The following BOC variants were observed in gnomAD, a reference collection of about 807,000 sequenced individuals.
BOC encodes the protein BOC cell adhesion associated, oncogene regulated.
A neutral mutation model predicts 112.0 loss-of-function variants in BOC; 76 were observed. The observed-to-expected ratio is 0.68, with a 90% CI of 0.56 to 0.82. BOC has a LOEUF of 0.82. Ranked by LOEUF, BOC falls within the 40% of genes least tolerant of loss-of-function variation. The pLI is 0.00. For synonymous variants in BOC, 580 were observed against 599.8 expected (o/e 0.97, Z 0.48); for missense variants, 1,309 against 1,511.7 (o/e 0.87, Z 2.22).
intron 2 of BOC, among the ~76,000 whole-genome samples, chr3:113,240,878 T>C (rs533643516): frequency 6.6e-6 from 1 of 152,284 alleles, no homozygotes; most frequent in East Asian, 1.9e-4. Context: ...GATATACTTG[T>C]GACAAGGCCC....
In BOC at chr3:113,249,710, C is replaced by G. The variant is rs1327907934; in HGVS notation, c.-81-12C>G. 1.9e-6 allele frequency: 2 copies of G among 1,075,134 alleles called. No homozygotes were observed. Among genetic ancestry groups the G allele is most frequent in the Non-Finnish European group, 2.7e-6 (2 of 741,656 alleles). The allele number at this position is 1,075,134 out of a possible 1,614,324, so 66.6% of individuals were successfully genotyped here. ...ATCATGGCCATTGCTCTCCCTTTCT[C>G]TCTTACAACAGAGTGTTGCCAGGGA... is the stretch of plus-strand genomic sequence containing the variant. On this transcript the variant is annotated splice_polypyrimidine_tract_variant and intron_variant, in intron 2 of 19. Coordinates refer to ENST00000682979, the MANE Select transcript of BOC (RefSeq NM_001378074.1).
intron 5 of BOC, chr3:113,270,000 T>G (rs1222806498): frequency 6.6e-6 from 1 of 152,278 alleles, no homozygotes; most frequent in Non-Finnish European, 1.5e-5. Flanking sequence ...TGACTCTGCC[T>G]CCTAGCTACA....
intron 2 of BOC, among the ~76,000 whole-genome samples, chr3:113,247,705 T>C (rs972542896): frequency 6.6e-6 from 1 of 152,090 alleles, no homozygotes; most frequent in African/African-American, 2.4e-5. Context: ...GGAAATACAT[T>C]GTGTAAGAGC....
chr3:113,225,064 G>A (rs1394358292), intron 2 of BOC, among the ~76,000 whole-genome samples: 1 of 148,762 alleles, frequency 6.7e-6, no homozygotes, highest in African/African-American at 2.5e-5. Context: ...GCGACAGGGT[G>A]AGACTCCGTC....
chr3:113,237,856 A>G (rs1431336980), intron 2 of BOC, among the ~76,000 whole-genome samples: 1 of 152,174 alleles, frequency 6.6e-6, no homozygotes, highest in Non-Finnish European at 1.5e-5. Context: ...TTCTAATTTG[A>G]CCAAACCCTT....
intron 9 of BOC, among the ~76,000 whole-genome samples, chr3:113,275,266 T>C (rs1005170827): frequency 6.6e-6 from 1 of 152,226 alleles, no homozygotes; most frequent in Non-Finnish European, 1.5e-5. Context: ...TGTTCAGACC[T>C]CAGCTGTTTC....
chr3:113,276,222 C>A (rs750206778), intron 9 of BOC, among the ~76,000 whole-genome samples: 1 of 152,212 alleles, frequency 6.6e-6, no homozygotes, highest in Non-Finnish European at 1.5e-5. Context: ...CAATAGGTGG[C>A]CGTGAAGCAG....
chr3:113,212,416 A>C (rs12233575), intron 1 of BOC: 31,113 of 152,140 alleles, frequency 0.2, 3,562 homozygotes, highest in South Asian at 0.36. Flanking sequence ...CTTCCACCGA[A>C]GGTTGACACC....
intron 2 of BOC, among the ~76,000 whole-genome samples, chr3:113,242,915 T>C (rs949923851): frequency 6.6e-6 from 1 of 152,082 alleles, no homozygotes; most frequent in Non-Finnish European, 1.5e-5. Context: ...TCCCTTAATG[T>C]TTTTTCTACC....
chr3:113,279,697 C>T, intron 12 of BOC, 127 bp from the exon 13 acceptor site: 1 of 1,025,406 alleles, frequency 9.8e-7, no homozygotes, highest in Non-Finnish European at 1.4e-6. Context: ...TCTTGTGAGG[C>T]CTTTGAGAAC....
chr3:113,272,421 G>T lies in BOC; in HGVS notation c.679G>T (p.Glu227Ter), dbSNP rs1948215833. Residue 227 changes from glutamate (E) to a stop codon, truncating the protein, a stop_gained, in exon 7 of 20, where the codon GAG (glutamate) becomes TAG (stop). Transcript: ENST00000682979. LOFTEE classifies it high-confidence loss of function. Reference sequence around the variant, plus strand: ...CCTTGCCCCTCCAGGCTCCACCGCTGAGGCTGCCCGCATCATCTACCCCCC... The same window carrying T: ...CCTTGCCCCTCCAGGCTCCACCGCTTAGGCTGCCCGCATCATCTACCCCCC... Reference protein sequence around the residue: ...DRLRVRRSTAEAARIIYPPEA... With the variant: ...DRLRVRRSTA The T allele has an allele frequency of 6.2e-7, 1 of 1,613,342 alleles. No homozygotes were observed. Among genetic ancestry groups the T allele is most frequent in the Non-Finnish European group, 8.5e-7 (1 of 1,179,512 alleles).
intron 2 of BOC, among the ~76,000 whole-genome samples, chr3:113,247,500 GAA>G (rs58781225): frequency 3.2e-5 from 4 of 125,788 alleles, no homozygotes; most frequent in Non-Finnish European, 6.4e-5. Context: ...GCCCTGATAG[GAA>G]AAAAAAAAAA....
chr3:113,273,961 T>G (rs1006554484), intron 8 of BOC, among the ~76,000 whole-genome samples: 3 of 152,156 alleles, frequency 2.0e-5, no homozygotes, highest in Non-Finnish European at 4.4e-5. Flanking sequence ...TATCTCATAT[T>G]CAGTAGGAAA....
intron 2 of BOC, among the ~76,000 whole-genome samples, chr3:113,230,165 C>G (rs1027550): frequency 0.4 from 60,072 of 151,960 alleles, 13,318 homozygotes; most frequent in East Asian, 0.67. Flanking sequence ...TGCATATCAC[C>G]TGGATCCTAG....
chr3:113,233,375 A>C (rs188970683), intron 2 of BOC, among the ~76,000 whole-genome samples: 27 of 152,226 alleles, frequency 1.8e-4, no homozygotes, highest in Non-Finnish European at 3.1e-4. Context: ...CATCACGAGG[A>C]AGGGGCATAG....
In BOC at chr3:113,234,383, A is replaced by G. The variant is rs139980090; in HGVS notation, c.-81-15339A>G. 2.6e-5 allele frequency among the ~76,000 whole-genome samples: 4 copies of G among 152,268 alleles called. No individual in the cohort carries two copies. In the East Asian group the frequency reaches 7.7e-4, roughly 29 times the overall value. On this transcript the variant is annotated intron_variant, in intron 2 of 19. Coordinates refer to ENST00000682979, the MANE Select transcript of BOC (RefSeq NM_001378074.1). ...TATGTGTGCACATGGGCATGTGCAC[A>G]CATGTGTGTAGGAACCTGTGTACAT...
chr3:113,227,313 G>C (rs369413424), intron 2 of BOC, among the ~76,000 whole-genome samples: 2 of 152,198 alleles, frequency 1.3e-5, no homozygotes, highest in African/African-American at 4.8e-5. Context: ...AGGCCTCTGC[G>C]CATGGTTGGT....
chr3:113,223,191 A>C (rs1245188643), intron 2 of BOC, among the ~76,000 whole-genome samples: 1 of 152,168 alleles, frequency 6.6e-6, no homozygotes, highest in African/African-American at 2.4e-5. Context: ...CCCAAACCCC[A>C]CATGTAAGCC....
At position 113,278,769 on chromosome 3, in the gene BOC, A is replaced by G. The variant is rs1321195243; in HGVS notation, c.1802A>G (p.His601Arg). 6.4e-7 allele frequency: 1 copy of G among 1,554,912 alleles called. No individual in the cohort carries two copies. Among genetic ancestry groups the G allele is most frequent in the Non-Finnish European group, 8.7e-7 (1 of 1,149,010 alleles). Residue 601 changes from histidine to arginine, a missense_variant, in exon 11 of 20, where the codon CAC (histidine) becomes CGC (arginine). Coordinates refer to ENST00000682979, the MANE Select transcript of BOC (RefSeq NM_001378074.1). This position sits in a 1 kb window ranked among gnomAD's most constrained non-coding sequence, Gnocchi z 4.2. ...ASPQSSSQPD[H>R]GRLSPPEAPD... ...CCCCAGAGCAGCAGCCAGCCAGACCACGGCCGCCTCTCCCGTAAGCCGCTA... is the reference window on the plus strand; with the variant it reads ...CCCCAGAGCAGCAGCCAGCCAGACCGCGGCCGCCTCTCCCGTAAGCCGCTA...
Sources: gnomAD v4.1 joint callset for allele counts (sites outside exome capture counted in the v4.1 genomes callset) on GRCh38, gnomAD v4.1.1 for gene constraint, Gnocchi (gnomAD v3.1) non-coding constraint, MANE v1.5 for transcripts, NCBI Gene and HGNC (gene_info 2026-07-23, HGNC 2026-07-21) for gene names.